Variants in ACACB observed in about 807,000 individuals in gnomAD.
ACACB encodes acetyl-CoA carboxylase 2.
Under a neutral mutation model 278.8 loss-of-function variants are expected in ACACB, and 209 were observed. The ratio of observed to expected loss-of-function variants is 0.75; its 90% CI spans 0.67 to 0.84. The LOEUF is 0.84. ACACB is among the 40% of genes least tolerant of loss of function. The pLI is 0.00. For missense variants in ACACB, 2,850 were observed against 3,269.0 expected (o/e 0.87, Z 3.13); for synonymous variants, 1,174 against 1,285.6 (o/e 0.91, Z 1.86).
intron 26 of ACACB, 46 bp from the exon 27 acceptor site, chr12:109,223,769 T>C (rs2046242476): frequency 1.0e-5 from 16 of 1,542,250 alleles, no homozygotes; most frequent in Non-Finnish European, 1.4e-5. Context: ...AACCTGAAAC[T>C]TGTTCACATT....
At chr12:109,255,744 G>C (rs1404942157) in intron 44 of ACACB, among the ~76,000 whole-genome samples, 3 of 152,242 alleles carry the variant, frequency 2.0e-5, no homozygotes. Flanking sequence ...GCAGCCAGCA[G>C]CTAGCAGGTG....
rs139350700 is a variant in ACACB at position 109,134,619 on chromosome 12, T to C, written c.-9-4778T>C. 6.2e-4 allele frequency among the ~76,000 whole-genome samples: 95 copies of C among 152,202 alleles called. 1 individual carries two copies. The East Asian group carries it at 0.018, about 28-fold the overall frequency. On this transcript the variant is annotated intron_variant, in intron 1 of 52. Transcript: ENST00000338432. ...GAGAATTTACTATGCACAAGAGAAATAGTAATAGTATGAAATAGACTTTGT... is the reference window on the plus strand; with the variant it reads ...GAGAATTTACTATGCACAAGAGAAACAGTAATAGTATGAAATAGACTTTGT...
intron 44 of ACACB, 96 bp downstream of exon 44, chr12:109,254,430 G>T (rs2047173882): frequency 3.2e-6 from 4 of 1,244,922 alleles, no homozygotes; most frequent in Non-Finnish European, 4.4e-6. Flanking sequence ...TGAGACAAAG[G>T]CTTGATATTC....
intron 24 of ACACB, among the ~76,000 whole-genome samples, chr12:109,217,355 G>A (rs115245454): frequency 1.4e-4 from 22 of 152,254 alleles, no homozygotes; most frequent in African/African-American, 3.6e-4. Context: ...GGTCTCTGTC[G>A]TGACCACTCA....
In ACACB at chr12:109,233,757, T is replaced by G; in HGVS notation, c.4149T>G (p.Asp1383Glu). 6.2e-7 allele frequency: 1 copy of G among 1,614,122 alleles called. No homozygotes were observed. Among genetic ancestry groups the G allele is most frequent in the Non-Finnish European group, 8.5e-7 (1 of 1,180,002 alleles). The change falls in exon 30 of 53, where the codon GAT becomes GAG. Residue 1383 changes from aspartate (D) to glutamate (E), a missense_variant. Physicochemically the swap from Asp to Glu is conservative, Grantham distance 45. Around this residue, in one of 3 missense-constraint regions of ACACB, gnomAD observed 2,265 missense variants for 2,561.3 expected, o/e 0.88. Transcript: ENST00000338432. ...CTACCCGCACCCCCAGAAATTTTGA[T>G]GAAGTCATCTCTTGCTTCGCCAACG... is the stretch of plus-strand genomic sequence containing the variant. Reference protein sequence around the residue: ...RRFEDFTRNFDEVISCFANVP... With the variant: ...RRFEDFTRNFEEVISCFANVP...
rs7135947 is a variant in ACACB at position 109,191,652 on chromosome 12, C to T, written c.2184C>T (p.Gly728=). ...VVALKELSIR[G]DFRTTVEYLI... ...CTTTGAAGGAACTGTCCATCCGAGG[C>T]GACTTTAGGACTACCGTGGAATACC... The change falls in exon 14 of 53, where the codon GGC becomes GGT. Residue 728 remains glycine, a synonymous_variant. Coordinates refer to ENST00000338432, the MANE Select transcript of ACACB (RefSeq NM_001093.4). 0.51 allele frequency: 820,566 copies of T among 1,613,776 alleles called. 213,475 individuals are homozygous for T. The highest frequency in any genetic ancestry group is 0.61 in the Middle Eastern group (3,718 of 6,060).
intron 10 of ACACB, 43 bp downstream of exon 10, chr12:109,179,340 T>C: frequency 6.3e-7 from 1 of 1,582,800 alleles, no homozygotes; most frequent in East Asian, 2.3e-5. Context: ...GAGAGAGCCG[T>C]CTCAGCTCAG....
At chr12:109,235,231 A>C in intron 31 of ACACB, 82 bp from the exon 32 acceptor site, 1 of 1,156,146 alleles carries the variant, frequency 8.6e-7, no homozygotes, top group South Asian at 1.2e-5. Flanking sequence ...TTACAGGTTC[A>C]TCCGTGTGGT....
chr12:109,163,526 A>C (rs188744500), intron 2 of ACACB, among the ~76,000 whole-genome samples: 7 of 152,246 alleles, frequency 4.6e-5, no homozygotes, highest in Admixed American at 4.6e-4. Context: ...AGAGAATAGG[A>C]GAGGGGAAAA....
At chr12:109,169,540 C>T (rs1350374997) in intron 4 of ACACB, among the ~76,000 whole-genome samples, 1 of 152,138 alleles carries the variant, frequency 6.6e-6, no homozygotes, top group Non-Finnish European at 1.5e-5. Flanking sequence ...ACCTCTTGCC[C>T]TCCATCAGCC....
chr12:109,229,564 C>T (rs2046410291), intron 28 of ACACB, among the ~76,000 whole-genome samples: 1 of 152,096 alleles, frequency 6.6e-6, no homozygotes. Flanking sequence ...GAGTCTCACT[C>T]TGTCACCCAG....
At position 109,212,735 on chromosome 12, in the gene ACACB, CAGTGCTCGT is replaced by C. The variant is rs953278315; in HGVS notation, c.3250-100_3250-92del. 4 of 921,452 alleles carry C rather than the reference CAGTGCTCGT, an allele frequency of 4.3e-6. No homozygotes were observed. The African/African-American group carries it at 6.5e-5, about 15-fold the overall frequency. 57.1% of individuals were successfully genotyped at this position (921,452 alleles called of 1,614,324 possible). ...AGCCAGTTCCTAACAGGCCACGGAC[CAGTGCTCGT>C]TTGGGTACTGGTTTGGGGACCCTTT... On this transcript the variant is annotated intron_variant, in intron 21 of 52. Transcript: ENST00000338432.
intron 2 of ACACB, among the ~76,000 whole-genome samples, chr12:109,159,467 C>T (rs2043650937): frequency 6.6e-6 from 1 of 152,186 alleles, no homozygotes; most frequent in Non-Finnish European, 1.5e-5. Context: ...TTTACTTTGG[C>T]TAGGTCCAGG....
At position 109,239,976 on chromosome 12, in the gene ACACB, C is replaced by T. The variant is rs2046748109; in HGVS notation, c.4809C>T (p.Asp1603=). ...ACTTCGTGCCCACTGTCATCATGGA[C>T]CCCTTCAAGGTCTCGCCTTTGCAGG... ...FLNFVPTVIM[D]PFKIEESVRY... is the part of the protein sequence containing the mutation. Residue 1603 remains aspartate, a synonymous_variant, in exon 35 of 53, where the codon GAC becomes GAT. Coordinates refer to ENST00000338432, the MANE Select transcript of ACACB (RefSeq NM_001093.4). 1 of 1,613,744 alleles carries T rather than the reference C, an allele frequency of 6.2e-7. No homozygotes were observed. The highest frequency in any genetic ancestry group is 1.1e-5 in the South Asian group (1 of 91,022).
rs2044719217 is a variant in ACACB, at chr12:109,187,886, C to T, written c.1981-113C>T. On this transcript the variant is annotated intron_variant, in intron 12 of 52. Transcript: ENST00000338432. The stretch of plus-strand genomic sequence containing the variant: ...GCGATATCAGTGTTCTATTGACTAC[C>T]CTAAGCTTTTGGTCAGCGTAGGGGT... The T allele has an allele frequency of 3.8e-5, 46 of 1,215,522 alleles. No homozygotes were observed. In the South Asian group the frequency reaches 7.4e-4, roughly 20 times the overall value. The allele number at this position is 1,215,522 out of a possible 1,614,324, so 75.3% of individuals were successfully genotyped here.
intron 13 of ACACB, among the ~76,000 whole-genome samples, chr12:109,190,119 CA>C (rs767232163): frequency 6.6e-6 from 1 of 150,956 alleles, no homozygotes; most frequent in African/African-American, 2.4e-5. Flanking sequence ...CTCAAAAAAA[CA>C]AAAAAAAGAA....
Position 109,241,175 on chromosome 12 carries a change from C to T in ACACB, c.4916C>T (p.Thr1639Ile). ...QAEVKINIRQTTTGSAVPIRL... is the reference protein window; with the variant it reads ...QAEVKINIRQITTGSAVPIRL... ...GAGGTCAAGATCAACATCCGCCAGACCACCACCGGCAGTGCCGTTCCCATC... is the reference window on the plus strand; with the variant it reads ...GAGGTCAAGATCAACATCCGCCAGATCACCACCGGCAGTGCCGTTCCCATC... The change falls in exon 36 of 53, where the codon ACC becomes ATC. Residue 1639 changes from threonine (T) to isoleucine (I), a missense_variant. Coordinates refer to ENST00000338432, the MANE Select transcript of ACACB (RefSeq NM_001093.4). The T allele has an allele frequency of 6.2e-7, 1 of 1,614,212 alleles. No individual in the cohort carries two copies. Among genetic ancestry groups the T allele is most frequent in the Non-Finnish European group, 8.5e-7 (1 of 1,180,034 alleles).
At position 109,210,389 on chromosome 12, in the gene ACACB, A is replaced by G. The variant is rs568521246; in HGVS notation, c.3249+1036A>G. Among the ~76,000 whole-genome samples, 11 of 142,152 alleles carry G rather than the reference A, an allele frequency of 7.7e-5. No homozygotes were observed. The East Asian group carries it at 1.3e-3, about 17-fold the overall frequency. 93.3% of individuals were successfully genotyped at this position (142,152 alleles called of 152,430 possible). On this transcript the variant is annotated intron_variant, in intron 21 of 52. Transcript: ENST00000338432. ...TGTATATACACGCACACACATGTGT[A>G]TATATGTATATACACGCACACACAT...
chr12:109,126,526 TA>T (rs1187824395), intron 1 of ACACB, among the ~76,000 whole-genome samples: 1 of 151,882 alleles, frequency 6.6e-6, no homozygotes, highest in Non-Finnish European at 1.5e-5. Flanking sequence ...CTACAAAATA[TA>T]AAAAAGATTA....
Sources: allele counts gnomAD v4.1 joint callset (sites outside exome capture counted in the v4.1 genomes callset), GRCh38; gene constraint gnomAD v4.1.1; regional missense constraint gnomAD v4.1.1; transcripts MANE v1.5; gene names NCBI Gene and HGNC (gene_info 2026-07-23, HGNC 2026-07-21).